The following NDUFAF6 variants were observed in gnomAD, a reference collection of about 807,000 sequenced individuals.
The protein encoded by NDUFAF6 is NADH dehydrogenase (ubiquinone) complex I, assembly factor 6.
NDUFAF6 carries 45 observed loss-of-function variants against 40.8 expected under a neutral mutation model. That is an observed-to-expected ratio of 1.10 (90% CI 0.87 to 1.42). The LOEUF (loss-of-function observed/expected upper bound fraction) is 1.42. NDUFAF6 is among the 40% of genes most tolerant of loss of function. The pLI is 0.00. For missense variants in NDUFAF6, 435 were observed against 418.5 expected, an observed-to-expected ratio of 1.04 and a Z score of -0.34; for synonymous variants, 185 against 155.9, an observed-to-expected ratio of 1.19 and a Z score of -1.39.
chr8:95,052,136 T>C, intron 7 of NDUFAF6, 38 bp from the exon 8 acceptor site: 7 of 1,606,830 alleles, frequency 4.4e-6, no homozygotes, highest in Non-Finnish European at 6.0e-6. Context: ...GTTTATTTGC[T>C]TAATTTTGAA....
chr8:95,084,501 T>C (rs183371960), intron 2 of NDUFAF6, among the ~76,000 whole-genome samples: 1 of 152,322 alleles, frequency 6.6e-6, no homozygotes, highest in East Asian at 1.9e-4. Flanking sequence ...ACTCTTCATA[T>C]TGTTTTTTGC....
At chr8:94,905,246 GTTTT>G (rs1449409967) in intron 1 of NDUFAF6, among the ~76,000 whole-genome samples, 4 of 148,786 alleles carry the variant, frequency 2.7e-5, no homozygotes, top group African/African-American at 9.8e-5. Context: ...TTTTGGATGA[GTTTT>G]CTTTCTGCAG....
intron 2 of NDUFAF6, among the ~76,000 whole-genome samples, chr8:95,006,348 T>A (rs1586951416): frequency 1.2e-5 from 1 of 84,730 alleles, no homozygotes; most frequent in South Asian, 4.4e-4. Flanking sequence ...AGAGCAAGAC[T>A]CCGTCTCAAA....
At chr8:95,037,301 A>G (rs1829617213) in intron 3 of NDUFAF6, among the ~76,000 whole-genome samples, 1 of 152,202 alleles carries the variant, frequency 6.6e-6, no homozygotes, top group African/African-American at 2.4e-5. Context: ...TTCCTTCTGA[A>G]TCAGAGCTAT....
chr8:95,098,631 C>T (rs1157939263), upstream of NDUFAF6, among the ~76,000 whole-genome samples: 1 of 152,224 alleles, frequency 6.6e-6, no homozygotes, highest in African/African-American at 2.4e-5. Context: ...GATCGCACCA[C>T]TGCACTCCAG....
intron 1 of NDUFAF6, chr8:94,926,886 T>C (rs769003100): frequency 2.0e-5 from 3 of 152,182 alleles, no homozygotes; most frequent in Non-Finnish European, 4.4e-5. Context: ...ATGTATAATT[T>C]TAAGCATTAA....
At chr8:94,931,710 C>T (rs1338049970) in intron 1 of NDUFAF6, among the ~76,000 whole-genome samples, 1 of 152,124 alleles carries the variant, frequency 6.6e-6, no homozygotes, top group Non-Finnish European at 1.5e-5. Flanking sequence ...CGCTGTGGCT[C>T]GCTCTTGTAA....
rs1245871082 is a variant in NDUFAF6, at chr8:94,939,915, C to T, written c.-935-5568C>T. 2.5e-6 allele frequency: 4 copies of T among 1,613,926 alleles called. No homozygotes were observed. The African/African-American group carries it at 4.0e-5, about 16-fold the overall frequency. On this transcript the variant is annotated intron_variant, in intron 1 of 14. Transcript: ENST00000396113. ...GTCCCACGGGTGGCCTCACTGAGACCAGGGCAGGAGTTATGCACAGCATAG... is the reference window on the plus strand; with the variant it reads ...GTCCCACGGGTGGCCTCACTGAGACTAGGGCAGGAGTTATGCACAGCATAG...
intron 1 of NDUFAF6, among the ~76,000 whole-genome samples, chr8:94,908,445 C>T (rs961752329): frequency 6.6e-6 from 1 of 152,210 alleles, no homozygotes; most frequent in Non-Finnish European, 1.5e-5. Flanking sequence ...TCATAGCTCA[C>T]TATGGACTCA....
At chr8:95,029,465 A>G (rs1243100712) in intron 1 of NDUFAF6, among the ~76,000 whole-genome samples, 1 of 152,250 alleles carries the variant, frequency 6.6e-6, no homozygotes, top group Non-Finnish European at 1.5e-5. Flanking sequence ...TGTAAGTACA[A>G]GGACGCTTTC....
intron 4 of NDUFAF6, among the ~76,000 whole-genome samples, chr8:95,044,771 T>A (rs1454232269): frequency 1.3e-5 from 2 of 151,648 alleles, no homozygotes; most frequent in Non-Finnish European, 2.9e-5. Flanking sequence ...TTTTTTTTTT[T>A]AAACCCTGCA....
At chr8:95,003,510 A>G (rs114328272) in intron 2 of NDUFAF6, among the ~76,000 whole-genome samples, 1,538 of 152,290 alleles carry the variant, frequency 0.01, 27 homozygotes, top group African/African-American at 0.035. Context: ...CTAAAATGCT[A>G]TTAGAGACAG....
At chr8:94,943,142 G>C (rs1169380528) in intron 1 of NDUFAF6, among the ~76,000 whole-genome samples, 1 of 152,188 alleles carries the variant, frequency 6.6e-6, no homozygotes, top group Non-Finnish European at 1.5e-5. Context: ...TGTGGTCTCA[G>C]CTAGGGGCAT....
intron 2 of NDUFAF6, among the ~76,000 whole-genome samples, chr8:94,997,906 T>C (rs1826528916): frequency 6.6e-6 from 1 of 152,238 alleles, no homozygotes; most frequent in South Asian, 2.1e-4. Context: ...GAGTGTTCTT[T>C]AGTCAGACCT....
chr8:95,050,660 T>TA (rs978144665), intron 7 of NDUFAF6, among the ~76,000 whole-genome samples: 3 of 152,154 alleles, frequency 2.0e-5, no homozygotes, highest in African/African-American at 7.2e-5. Flanking sequence ...AAAGCAGTGA[T>TA]ATGAGTGTTG....
At chr8:95,103,254 T>A (rs981526866) in exon 3 of NDUFAF6, 5 of 151,990 alleles carry the variant, frequency 3.3e-5, no homozygotes, top group Non-Finnish European at 7.3e-5. Flanking sequence ...CCAAGGAAAA[T>A]CAACCTGTTG....
At chr8:95,098,979 G>A (rs1169757588), upstream of NDUFAF6, among the ~76,000 whole-genome samples, 3 of 152,008 alleles carry the variant, frequency 2.0e-5, no homozygotes, top group African/African-American at 7.2e-5. Context: ...GGTGGCTCAC[G>A]CCTGTAATCC....
intron 3 of NDUFAF6, among the ~76,000 whole-genome samples, chr8:95,036,723 C>A (rs1480771064): frequency 1.3e-5 from 2 of 152,200 alleles, no homozygotes; most frequent in Non-Finnish European, 2.9e-5. Flanking sequence ...GCAAATTTAT[C>A]TTTCCTTGGC....
At chr8:94,974,313 A>G (rs544493978) in intron 1 of NDUFAF6, among the ~76,000 whole-genome samples, 1 of 151,856 alleles carries the variant, frequency 6.6e-6, no homozygotes, top group East Asian at 1.9e-4. Flanking sequence ...ACGGAAAAAT[A>G]TAATGACCAG....
Sources: gnomAD v4.1 joint callset for allele counts (sites outside exome capture counted in the v4.1 genomes callset) on GRCh38, gnomAD v4.1.1 for gene constraint, MANE v1.5 for transcripts, NCBI Gene and HGNC (gene_info 2026-07-23, HGNC 2026-07-21) for gene names.